Variants in VPS13D observed in about 807,000 individuals in gnomAD.
The protein encoded by VPS13D is intermembrane lipid transfer protein VPS13D.
VPS13D carries 187 observed loss-of-function variants against 461.9 expected under a neutral mutation model. The ratio of observed to expected loss-of-function variants is 0.40; its 90% confidence interval spans 0.36 to 0.46. The LOEUF (loss-of-function observed/expected upper bound fraction) is 0.46, where lower values mean the gene tolerates loss of function less well. VPS13D is among the 20% of genes least tolerant of loss of function. The pLI is 0.60. For missense variants in VPS13D, 4,711 were observed against 5,364.9 expected, an observed-to-expected ratio of 0.88 and a Z score of 3.81; for synonymous variants, 1,951 against 1,986.3, an observed-to-expected ratio of 0.98 and a Z score of 0.47.
At chr1:12,420,180 A>G (rs1259422149) in intron 65 of VPS13D, among the ~76,000 whole-genome samples, 3 of 152,254 alleles carry the variant, frequency 2.0e-5, no homozygotes, top group African/African-American at 7.2e-5. Context: ...AAATGGGTCT[A>G]TCAGTTGAAT....
intron 65 of VPS13D, among the ~76,000 whole-genome samples, chr1:12,417,611 G>C (rs979160548): frequency 2.6e-5 from 4 of 152,144 alleles, no homozygotes; most frequent in African/African-American, 9.7e-5. Context: ...TGAGATCACA[G>C]GTGTACTTGC....
intron 24 of VPS13D, among the ~76,000 whole-genome samples, chr1:12,298,510 C>T (rs1351369946): frequency 6.6e-6 from 1 of 152,038 alleles, no homozygotes; most frequent in African/African-American, 2.4e-5. Context: ...CGTTGTGGCA[C>T]GTGCCCGTAA....
chr1:12,399,013 A>G (rs1194403339), intron 60 of VPS13D, among the ~76,000 whole-genome samples: 2 of 152,148 alleles, frequency 1.3e-5, no homozygotes, highest in African/African-American at 2.4e-5. Context: ...AAGTTGTCAT[A>G]AGGATGGCAG....
At chr1:12,243,857 T>G (rs1640460046) in intron 3 of VPS13D, among the ~76,000 whole-genome samples, 1 of 152,162 alleles carries the variant, frequency 6.6e-6, no homozygotes, top group Non-Finnish European at 1.5e-5. Flanking sequence ...CAACTAGTGC[T>G]TATCAACCAG....
In VPS13D at chr1:12,377,679, G is replaced by T. The variant is rs1174907916; in HGVS notation, c.10918-749G>T. On this transcript the variant is annotated intron_variant, in intron 55 of 69. Transcript: ENST00000620676. ...TACTAAAAATACAAAAATCAGCCAG[G>T]CGTGATGGTGCATGCCTGTAATCCC... is the stretch of plus-strand genomic sequence containing the variant. 2.6e-5 allele frequency among the ~76,000 whole-genome samples: 4 copies of T among 151,920 alleles called. No individual in the cohort carries two copies. In the East Asian group the frequency reaches 7.8e-4, roughly 30 times the overall value.
chr1:12,290,484 A>T (rs538301638), intron 22 of VPS13D, among the ~76,000 whole-genome samples: 1 of 152,118 alleles, frequency 6.6e-6, no homozygotes, highest in African/African-American at 2.4e-5. Flanking sequence ...GCATTTTGGG[A>T]GGCCAAGGCG....
At chr1:12,260,380 A>G (rs1427707477) in intron 10 of VPS13D, among the ~76,000 whole-genome samples, 1 of 150,142 alleles carries the variant, frequency 6.7e-6, no homozygotes, top group Non-Finnish European at 1.5e-5. Flanking sequence ...CTCTCCATTC[A>G]CCATTCATCT....
chr1:12,497,770 A>G (rs186540849), intron 68 of VPS13D, 139 bp downstream of exon 68: 3 of 1,140,470 alleles, frequency 2.6e-6, no homozygotes, highest in Admixed American at 6.4e-5. Flanking sequence ...CTTGCCCCAA[A>G]TGTTTTTTAG....
intron 27 of VPS13D, among the ~76,000 whole-genome samples, chr1:12,308,938 C>T (rs1298642253): frequency 6.6e-6 from 1 of 152,158 alleles, no homozygotes; most frequent in African/African-American, 2.4e-5. Flanking sequence ...AGCCACCATG[C>T]CCAGCCAATG....
At chr1:12,413,725 G>A (rs1644760667) in intron 63 of VPS13D, among the ~76,000 whole-genome samples, 1 of 151,690 alleles carries the variant, frequency 6.6e-6, no homozygotes, top group African/African-American at 2.4e-5. Flanking sequence ...TCCCACCTCA[G>A]CTTCCCAAAG....
At chr1:12,354,979 C>G (rs547847509) in intron 47 of VPS13D, among the ~76,000 whole-genome samples, 51 of 152,314 alleles carry the variant, frequency 3.3e-4, no homozygotes, top group Non-Finnish European at 5.4e-4. Context: ...ACAGCAGATT[C>G]AGAGAGACTC....
At chr1:12,395,483 T>C (rs1644482979) in intron 60 of VPS13D, among the ~76,000 whole-genome samples, 1 of 152,158 alleles carries the variant, frequency 6.6e-6, no homozygotes, top group Non-Finnish European at 1.5e-5. Context: ...CAAGAGCTTG[T>C]GTCTGTTTTT....
chr1:12,355,338 G>T (rs1643876134), intron 47 of VPS13D, among the ~76,000 whole-genome samples: 1 of 152,186 alleles, frequency 6.6e-6, no homozygotes, highest in Non-Finnish European at 1.5e-5. Context: ...GAGAATCATT[G>T]TCATATTTGC....
intron 44 of VPS13D, 110 bp from the exon 45 acceptor site, chr1:12,348,713 A>G (rs1643730836): frequency 7.5e-7 from 1 of 1,324,674 alleles, no homozygotes; most frequent in East Asian, 2.5e-5. Context: ...TTCACTGAAG[A>G]ACTATAGTAG....
At position 12,511,939 on chromosome 1, in the gene VPS13D, T is replaced by C. The variant is rs971054500; in HGVS notation, c.*2915T>C. ...TCTAAAAATATCTGGTTCTCTATTA[T>C]GTAAACACTATTACAGTCACCAGTG... is the stretch of plus-strand genomic sequence containing the variant. On this transcript the variant is annotated 3_prime_UTR_variant, in exon 70 of 70. Coordinates refer to ENST00000620676, the MANE Select transcript of VPS13D (RefSeq NM_015378.4). This position sits in a 1 kb window ranked among gnomAD's most constrained non-coding sequence, Gnocchi z 4.5. 2 of 152,244 alleles carry C rather than the reference T, an allele frequency of 1.3e-5. No individual in the cohort carries two copies. Among genetic ancestry groups the C allele is most frequent in the Admixed American group, 1.3e-4 (2 of 15,290 alleles). The allele number at this position is 152,244 out of a possible 1,614,324, so 9.4% of individuals were successfully genotyped here.
intron 60 of VPS13D, among the ~76,000 whole-genome samples, chr1:12,398,382 C>T (rs550037299): frequency 2.0e-5 from 3 of 148,440 alleles, no homozygotes; most frequent in South Asian, 2.1e-4. Flanking sequence ...TTTTTTGAGA[C>T]GGAGTCTCGT....
At chr1:12,382,004 CCTTT>C (rs1164206878) in intron 57 of VPS13D, among the ~76,000 whole-genome samples, 5 of 128,118 alleles carry the variant, frequency 3.9e-5, no homozygotes, top group African/African-American at 6.1e-5. Context: ...CTCCTTCCTT[CCTTT>C]CTTCCTTCCT....
At chr1:12,364,127 T>TGTA in intron 52 of VPS13D, among the ~76,000 whole-genome samples, 1 of 152,274 alleles carries the variant, frequency 6.6e-6, no homozygotes, top group East Asian at 1.9e-4. Context: ...AGTTAACTGG[T>TGTA]GTAAGTACAT....
chr1:12,506,498 C>T (rs985021954), intron 68 of VPS13D, among the ~76,000 whole-genome samples: 6 of 152,154 alleles, frequency 3.9e-5, no homozygotes, highest in Non-Finnish European at 8.8e-5. Flanking sequence ...GCTTTTCCCC[C>T]CTCAGCTTTC....
Sources: allele counts gnomAD v4.1 joint callset (sites outside exome capture counted in the v4.1 genomes callset), GRCh38; gene constraint gnomAD v4.1.1; non-coding constraint Gnocchi (gnomAD v3.1); transcripts MANE v1.5; gene names NCBI Gene and HGNC (gene_info 2026-07-23, HGNC 2026-07-21).